Variants in PCDH7 observed in about 807,000 individuals in gnomAD.
PCDH7 encodes protocadherin-7.
Under a neutral mutation model 58.9 loss-of-function variants are expected in PCDH7, and 17 were observed. The observed-to-expected ratio is 0.29, with a 90% CI of 0.20 to 0.43. The LOEUF is 0.43. Ranked by LOEUF, PCDH7 falls within the 20% of genes least tolerant of loss-of-function variation. PCDH7 has a pLI of 1.00. For synonymous variants in PCDH7, 664 were observed against 616.4 expected (o/e 1.08, Z -1.14); for missense variants, 1,274 against 1,441.0 (o/e 0.88, Z 1.88).
At position 30,996,450 on chromosome 4, in the gene PCDH7, G is replaced by A. The variant is rs542088612; in HGVS notation, c.*7+46235G>A. Among the ~76,000 whole-genome samples, 6 of 152,220 alleles carry A rather than the reference G, an allele frequency of 3.9e-5. 1 individual carries two copies. The highest frequency in any genetic ancestry group is 3.9e-4 in the Admixed American group (6 of 15,286). ...TGGATAGAATCAGTAGGTCTTTCAT[G>A]AAGAAAAAAGGGCTTTGAGACAAAG... On this transcript the variant is annotated intron_variant, in intron 3 of 3. Coordinates refer to the PCDH7 transcript ENST00000509759.
At chr4:30,827,697 C>T (rs2109327433) in intron 1 of PCDH7, among the ~76,000 whole-genome samples, 1 of 152,222 alleles carries the variant, frequency 6.6e-6, no homozygotes, top group Non-Finnish European at 1.5e-5. Flanking sequence ...CAGTACATAT[C>T]TGCTGAGTAC....
At chr4:30,953,239 A>T (rs1308448859) in intron 3 of PCDH7, among the ~76,000 whole-genome samples, 1 of 152,146 alleles carries the variant, frequency 6.6e-6, no homozygotes, top group Non-Finnish European at 1.5e-5. Flanking sequence ...GAATCCAATT[A>T]TCCCAGTTTT....
At chr4:31,052,030 T>G (rs974756417) in intron 3 of PCDH7, among the ~76,000 whole-genome samples, 2 of 152,102 alleles carry the variant, frequency 1.3e-5, no homozygotes, top group Non-Finnish European at 2.9e-5. Context: ...ATATCTGAAT[T>G]AAGTGTTAAG....
chr4:30,764,707 G>GTGTTTGTT (rs35644257), intron 1 of PCDH7, among the ~76,000 whole-genome samples: 31 of 150,634 alleles, frequency 2.1e-4, no homozygotes, highest in Admixed American at 1.1e-3. Flanking sequence ...TATATGTTTG[G>GTGTTTGTT]TGTTTGTTTG....
At position 30,723,126 on chromosome 4, in the gene PCDH7, C is replaced by G. The variant is rs35709073; in HGVS notation, c.1704C>G (p.Ala568=). 10 of 1,613,872 alleles carry G rather than the reference C, an allele frequency of 6.2e-6. No individual in the cohort carries two copies. The South Asian group carries it at 6.6e-5, about 11-fold the overall frequency. Reference sequence around the variant, plus strand: ...CAGACGCAGACAGCGGTAAGAACGCCGAGATCGCCTACTCGCTGGACTCCT... The same window carrying G: ...CAGACGCAGACAGCGGTAAGAACGCGGAGATCGCCTACTCGCTGGACTCCT... Residue 568 remains alanine, a synonymous_variant, in exon 1 of 2, where the codon GCC becomes GCG. Transcript: ENST00000361762. This position sits in a 1 kb window ranked among gnomAD's most constrained non-coding sequence, Gnocchi z 4.6.
intron 3 of PCDH7, among the ~76,000 whole-genome samples, chr4:30,981,845 A>G (rs953212700): frequency 1.3e-5 from 2 of 152,166 alleles, no homozygotes; most frequent in African/African-American, 4.8e-5. Context: ...CTCTAAAATG[A>G]TAGTCAGAGT....
At chr4:30,830,936 T>A (rs554389689) in intron 1 of PCDH7, among the ~76,000 whole-genome samples, 5 of 152,256 alleles carry the variant, frequency 3.3e-5, no homozygotes, top group African/African-American at 1.2e-4. Context: ...TCTCCATCTT[T>A]CTCTTCACTA....
At chr4:30,781,918 G>A (rs942693482) in intron 1 of PCDH7, among the ~76,000 whole-genome samples, 8 of 152,246 alleles carry the variant, frequency 5.3e-5, no homozygotes, top group South Asian at 2.1e-4. Flanking sequence ...TTCAAACGGC[G>A]CTAATGGCCT....
At chr4:31,079,308 A>G (rs1560627859) in intron 3 of PCDH7, among the ~76,000 whole-genome samples, 1 of 90,676 alleles carries the variant, frequency 1.1e-5, no homozygotes, top group African/African-American at 4.2e-5. Flanking sequence ...CAATACTGGA[A>G]GATATATATA....
intron 2 of PCDH7, among the ~76,000 whole-genome samples, chr4:30,941,024 G>A (rs1431885781): frequency 6.6e-6 from 1 of 151,858 alleles, no homozygotes; most frequent in African/African-American, 2.4e-5. Context: ...ATTTGGAAGG[G>A]TATTCTCATG....
At chr4:30,776,043 A>G (rs550432674) in intron 1 of PCDH7, among the ~76,000 whole-genome samples, 1 of 152,352 alleles carries the variant, frequency 6.6e-6, no homozygotes, top group South Asian at 2.1e-4. Context: ...GAACTAAGGA[A>G]GAGTAACCAT....
chr4:31,005,192 T>A (rs1752672742), intron 3 of PCDH7, among the ~76,000 whole-genome samples: 1 of 152,214 alleles, frequency 6.6e-6, no homozygotes, highest in Non-Finnish European at 1.5e-5. Flanking sequence ...AGTTGTTTTA[T>A]CTGTTGTTGA....
At chr4:31,135,836 G>A (rs1340994674) in intron 3 of PCDH7, among the ~76,000 whole-genome samples, 2 of 152,112 alleles carry the variant, frequency 1.3e-5, no homozygotes, top group African/African-American at 4.8e-5. Context: ...TTATGAAGGG[G>A]GAACAAGATC....
intron 1 of PCDH7, among the ~76,000 whole-genome samples, chr4:30,739,831 G>A (rs936692057): frequency 6.6e-6 from 1 of 152,150 alleles, no homozygotes; most frequent in African/African-American, 2.4e-5. Flanking sequence ...AGGCACCAGA[G>A]AAAAAGTAGT....
chr4:30,901,964 C>A (rs1740270964), intron 1 of PCDH7, among the ~76,000 whole-genome samples: 1 of 152,142 alleles, frequency 6.6e-6, no homozygotes, highest in Non-Finnish European at 1.5e-5. Context: ...TGAATAAGAA[C>A]CAACCTGTGG....
intron 3 of PCDH7, among the ~76,000 whole-genome samples, chr4:31,069,061 G>A (rs925652115): frequency 2.0e-5 from 3 of 152,056 alleles, no homozygotes; most frequent in African/African-American, 7.2e-5. Context: ...GCGTGTGTGT[G>A]TGTATTTACA....
intron 3 of PCDH7, among the ~76,000 whole-genome samples, chr4:31,025,986 T>C (rs76364085): frequency 2.1e-4 from 32 of 152,306 alleles, no homozygotes; most frequent in African/African-American, 7.7e-4. Flanking sequence ...GGTATACATG[T>C]TTTTTGAATT....
chr4:30,933,320 T>C (rs1472082087), intron 2 of PCDH7, among the ~76,000 whole-genome samples: 5 of 152,036 alleles, frequency 3.3e-5, no homozygotes, highest in Non-Finnish European at 7.4e-5. Context: ...CCACTGCACC[T>C]GGCCAGGAGT....
Position 30,722,527 on chromosome 4 carries a change from G to A in PCDH7, c.1105G>A (p.Val369Ile). 2 of 1,611,842 alleles carry A rather than the reference G, an allele frequency of 1.2e-6. No individual in the cohort carries two copies. Among genetic ancestry groups the A allele is most frequent in the Non-Finnish European group, 8.5e-7 (1 of 1,179,682 alleles). ...TGACGAGACGTCCGGCTGGCTCAGCGTCCTGCACCGGATCGACCGCGAGGA... is the reference window on the plus strand; with the variant it reads ...TGACGAGACGTCCGGCTGGCTCAGCATCCTGCACCGGATCGACCGCGAGGA... Residue 369 changes from valine to isoleucine, a missense_variant, in exon 1 of 2, where the codon GTC becomes ATC. Val to Ile is a conservative substitution (Grantham distance 29). Coordinates refer to ENST00000361762, the Ensembl canonical transcript of PCDH7. This position sits in a 1 kb window ranked among gnomAD's most constrained non-coding sequence, Gnocchi z 7.6.
Sources: allele counts gnomAD v4.1 joint callset (sites outside exome capture counted in the v4.1 genomes callset), GRCh38; gene constraint gnomAD v4.1.1; non-coding constraint Gnocchi (gnomAD v3.1); transcripts MANE v1.5; gene names NCBI Gene and HGNC (gene_info 2026-07-23, HGNC 2026-07-21).